Variants in RIC3 observed in about 807,000 individuals in gnomAD.
The protein encoded by RIC3 is protein RIC-3.
In RIC3, 28 loss-of-function variants were observed where a neutral mutation model predicts 27.3. The ratio of observed to expected loss-of-function variants is 1.02; its 90% confidence interval spans 0.76 to 1.41. The LOEUF (loss-of-function observed/expected upper bound fraction) is 1.41. Among genes scored for constraint, RIC3 ranks in the 40% most tolerant of loss-of-function variants. RIC3 has a pLI of 0.00. For synonymous variants in RIC3, 184 were observed against 160.4 expected, an observed-to-expected ratio of 1.15 and a Z score of -1.11; for missense variants, 501 against 444.7, an observed-to-expected ratio of 1.13 and a Z score of -1.14.
chr11:8,097,430 G>A, the RIC3 span: 1 of 1,614,226 alleles, frequency 6.2e-7, no homozygotes, highest in South Asian at 1.1e-5. Context: ...AAGAAGGTAA[G>A]GTTGGTCTGG....
intron 1 of RIC3, among the ~76,000 whole-genome samples, chr11:8,155,490 C>T (rs567800048): frequency 7.9e-5 from 12 of 152,130 alleles, no homozygotes; most frequent in African/African-American, 2.7e-4. Flanking sequence ...GCAGGAGAAT[C>T]GCTTGAACCC....
intron 4 of RIC3, among the ~76,000 whole-genome samples, chr11:8,134,003 T>C (rs183982530): frequency 3.3e-4 from 50 of 151,742 alleles, no homozygotes; most frequent in African/African-American, 1.2e-3. Flanking sequence ...AATATATATA[T>C]TTTTTATTAT....
intron 5 of RIC3, among the ~76,000 whole-genome samples, chr11:8,125,461 T>C (rs1946894842): frequency 6.6e-6 from 1 of 152,102 alleles, no homozygotes; most frequent in Admixed American, 6.5e-5. Context: ...ATCAACCCAA[T>C]TTAAAAATTG....
At chr11:8,132,465 T>A (rs112446383) in intron 4 of RIC3, among the ~76,000 whole-genome samples, 12 of 152,324 alleles carry the variant, frequency 7.9e-5, no homozygotes, top group African/African-American at 2.9e-4. Context: ...TCACTTCTGA[T>A]TCCTAGACCC....
intron 5 of RIC3, among the ~76,000 whole-genome samples, chr11:8,119,832 C>G (rs1271645569): frequency 6.6e-6 from 1 of 152,030 alleles, no homozygotes; most frequent in South Asian, 2.1e-4. Context: ...CTACAAAAAA[C>G]TCAAATTTAT....
At chr11:8,094,979 G>C in the RIC3 span, among the ~76,000 whole-genome samples, 3 of 152,242 alleles carry the variant, frequency 2.0e-5, no homozygotes, top group African/African-American at 7.2e-5. Flanking sequence ...GCTGACGTAG[G>C]ATGGGAGATG....
chr11:8,147,913 A>G (rs1435904964), intron 1 of RIC3, among the ~76,000 whole-genome samples: 1 of 151,988 alleles, frequency 6.6e-6, no homozygotes, highest in Non-Finnish European at 1.5e-5. Context: ...TTTTTAGTAG[A>G]AATGGGGTTT....
intron 1 of RIC3, among the ~76,000 whole-genome samples, chr11:8,163,355 A>G (rs550224184): frequency 6.6e-6 from 1 of 152,312 alleles, no homozygotes; most frequent in African/African-American, 2.4e-5. Context: ...CTAGTAAAGC[A>G]TACTTCTTAA....
intron 1 of RIC3, among the ~76,000 whole-genome samples, chr11:8,155,270 A>G (rs928777127): frequency 1.3e-5 from 2 of 151,964 alleles, no homozygotes; most frequent in African/African-American, 4.8e-5. Flanking sequence ...AAGCTTAACT[A>G]AAAACTTAAT....
chr11:8,114,606 C>CAAAAAAAAA (rs58294024), intron 5 of RIC3, among the ~76,000 whole-genome samples: 1 of 136,686 alleles, frequency 7.3e-6, no homozygotes, highest in Non-Finnish European at 1.5e-5. Context: ...AACTCCATCT[C>CAAAAAAAAA]AAAAAAAAAA....
chr11:8,163,052 T>TAC (rs67863540), intron 1 of RIC3, among the ~76,000 whole-genome samples: 96 of 70,326 alleles, frequency 1.4e-3, no homozygotes, highest in Middle Eastern at 6.4e-3. Context: ...CACACACACA[T>TAC]ACACACACAC....
chr11:8,122,683 A>G (rs1415340215), intron 5 of RIC3, among the ~76,000 whole-genome samples: 1 of 152,188 alleles, frequency 6.6e-6, no homozygotes, highest in Non-Finnish European at 1.5e-5. Context: ...TAGCCCTAGA[A>G]TAAAGGCTGT....
the RIC3 span, chr11:8,094,301 G>A: frequency 7.3e-7 from 1 of 1,360,570 alleles, no homozygotes; most frequent in East Asian, 2.5e-5. Context: ...CAGCCTCAGG[G>A]AAGACACAGA....
intron 1 of RIC3, among the ~76,000 whole-genome samples, chr11:8,151,285 G>A (rs927952000): frequency 1.3e-5 from 2 of 152,136 alleles, no homozygotes; most frequent in Non-Finnish European, 2.9e-5. Context: ...TTCTTACCAC[G>A]CAACATTAAA....
At chr11:8,101,120 G>A (rs1944280258), downstream of RIC3, 31 of 1,195,262 alleles carry the variant, frequency 2.6e-5, no homozygotes, top group South Asian at 4.5e-4. Context: ...ATACAGCTAA[G>A]GTTAGATGTA....
the RIC3 span, chr11:8,094,233 C>A: frequency 6.4e-7 from 1 of 1,563,910 alleles, no homozygotes; most frequent in South Asian, 1.2e-5. Flanking sequence ...GGCCTGGCCT[C>A]CACTGTAGGG....
intron 1 of RIC3, among the ~76,000 whole-genome samples, chr11:8,160,864 G>A (rs1565130109): frequency 1.3e-5 from 2 of 152,218 alleles, no homozygotes; most frequent in Non-Finnish European, 2.9e-5. Context: ...AAAGAAGACT[G>A]AAGAAAGGGA....
chr11:8,133,976 G>C (rs1221096332), intron 4 of RIC3, among the ~76,000 whole-genome samples: 2 of 150,702 alleles, frequency 1.3e-5, no homozygotes, highest in Non-Finnish European at 3.0e-5. Context: ...TTCATCTATG[G>C]TTTTCTTTTT....
chr11:8,146,858 TC>T (rs1949731695), intron 1 of RIC3, among the ~76,000 whole-genome samples: 1 of 152,244 alleles, frequency 6.6e-6, no homozygotes, highest in East Asian at 1.9e-4. Flanking sequence ...AGATAAAGGG[TC>T]CTGGCGACCA....
Sources: gnomAD v4.1 joint callset for allele counts (sites outside exome capture counted in the v4.1 genomes callset) on GRCh38, gnomAD v4.1.1 for gene constraint, MANE v1.5 for transcripts, NCBI Gene and HGNC (gene_info 2026-07-23, HGNC 2026-07-21) for gene names.